Variants in SDK1 observed in about 807,000 individuals in gnomAD.
SDK1 encodes protein sidekick-1.
In SDK1, 157 loss-of-function variants were observed where a neutral mutation model predicts 245.5. The observed-to-expected ratio is 0.64, with a 90% CI of 0.56 to 0.73. The LOEUF (loss-of-function observed/expected upper bound fraction) is 0.73, where lower values mean the gene tolerates loss of function less well. Ranked by LOEUF, SDK1 falls within the 30% of genes least tolerant of loss-of-function variation. The pLI is 0.00. For synonymous variants in SDK1, 1,647 were observed against 1,278.5 expected (o/e 1.29, Z -6.15); for missense variants, 3,583 against 3,002.3 (o/e 1.19, Z -4.52).
At chr7:3,570,518 C>T (rs1780078615) in intron 1 of SDK1, among the ~76,000 whole-genome samples, 1 of 152,156 alleles carries the variant, frequency 6.6e-6, no homozygotes, top group Admixed American at 6.5e-5. Flanking sequence ...TCCCTTTCCC[C>T]CAACTCTTCT....
chr7:3,800,418 G>T (rs1199178111), intron 4 of SDK1, among the ~76,000 whole-genome samples: 1 of 151,310 alleles, frequency 6.6e-6, no homozygotes, highest in Non-Finnish European at 1.5e-5. Flanking sequence ...GTCTCACTCT[G>T]TCACCCAGGC....
At chr7:3,336,921 C>T (rs1242524934) in intron 1 of SDK1, among the ~76,000 whole-genome samples, 1 of 152,178 alleles carries the variant, frequency 6.6e-6, no homozygotes, top group Admixed American at 6.5e-5. Context: ...ACCCACTCAT[C>T]CCTGGTATTA....
chr7:4,065,269 T>C (rs1294382577), intron 19 of SDK1, among the ~76,000 whole-genome samples: 1 of 152,196 alleles, frequency 6.6e-6, no homozygotes, highest in African/African-American at 2.4e-5. Context: ...TCTCTTTAGC[T>C]GATGGTGCTG....
At chr7:3,444,662 C>G (rs538093266) in intron 1 of SDK1, among the ~76,000 whole-genome samples, 1 of 152,118 alleles carries the variant, frequency 6.6e-6, no homozygotes. Context: ...ATGTATATTT[C>G]TTTTCAACAG....
chr7:3,368,879 C>T (rs2128562733), intron 1 of SDK1, among the ~76,000 whole-genome samples: 1 of 152,246 alleles, frequency 6.6e-6, no homozygotes, highest in Non-Finnish European at 1.5e-5. Context: ...ATAAACATTG[C>T]TTCCTGTACT....
intron 38 of SDK1, among the ~76,000 whole-genome samples, chr7:4,214,959 C>A (rs1164203620): frequency 6.6e-6 from 1 of 152,206 alleles, no homozygotes; most frequent in Non-Finnish European, 1.5e-5. Flanking sequence ...GCTTCTCCCT[C>A]GGGCAGGACT....
intron 1 of SDK1, among the ~76,000 whole-genome samples, chr7:3,390,600 A>G (rs10255605): frequency 0.79 from 119,498 of 152,168 alleles, 47,749 homozygotes; most frequent in African/African-American, 0.94. Flanking sequence ...TCCAATGACT[A>G]GTATCCTTAT....
chr7:3,305,621 T>G (rs1269488341), intron 1 of SDK1, among the ~76,000 whole-genome samples: 1 of 152,228 alleles, frequency 6.6e-6, no homozygotes, highest in Non-Finnish European at 1.5e-5. Flanking sequence ...GAGTTTCAAC[T>G]GGAACTTGAG....
rs1291649186 is a variant in SDK1 at position 3,959,003 on chromosome 7, G to T, written c.1223G>T (p.Cys408Phe). ...GTAGAAGAAACTGTGGACATCGGAT[G>T]TCAAGCCATGGGTGAGTGCAGAGTG... The part of the protein sequence containing the change: ...AEVEETVDIG[C>F]QAMGVPLPTL... The change falls in exon 8 of 45, where the codon TGT becomes TTT. Residue 408 changes from cysteine (C) to phenylalanine (F), a missense_variant. Cys to Phe is a radical substitution (Grantham distance 205, BLOSUM62 -2). Transcript: ENST00000404826. 1.2e-6 allele frequency: 2 copies of T among 1,613,608 alleles called. No individual in the cohort carries two copies. Among genetic ancestry groups the T allele is most frequent in the Non-Finnish European group, 1.7e-6 (2 of 1,179,526 alleles).
intron 28 of SDK1, among the ~76,000 whole-genome samples, chr7:4,143,298 C>T (rs1233542125): frequency 6.6e-6 from 1 of 152,204 alleles, no homozygotes; most frequent in Admixed American, 6.5e-5. Flanking sequence ...TCATACCGGC[C>T]ACCACAGGGT....
chr7:3,487,556 A>T (rs1220045485), intron 1 of SDK1, among the ~76,000 whole-genome samples: 1 of 152,034 alleles, frequency 6.6e-6, no homozygotes, highest in African/African-American at 2.4e-5. Context: ...AGCTTGGGCA[A>T]CGTGGTGAAG....
intron 1 of SDK1, among the ~76,000 whole-genome samples, chr7:3,521,341 T>G (rs1380864591): frequency 6.6e-6 from 1 of 152,286 alleles, no homozygotes; most frequent in East Asian, 1.9e-4. Flanking sequence ...TTTTGCTTTG[T>G]AAAGTAACAG....
chr7:4,221,850 T>G (rs554166652), intron 40 of SDK1, among the ~76,000 whole-genome samples: 1 of 152,288 alleles, frequency 6.6e-6, no homozygotes, highest in South Asian at 2.1e-4. Context: ...AAGATCCATT[T>G]CCAGCCTTAT....
intron 1 of SDK1, among the ~76,000 whole-genome samples, chr7:3,544,406 G>A (rs1419947730): frequency 6.6e-6 from 1 of 152,246 alleles, no homozygotes; most frequent in African/African-American, 2.4e-5. Flanking sequence ...CCTGTAGAGG[G>A]CACTGCACCA....
At chr7:3,459,385 T>A (rs1004057151) in intron 1 of SDK1, among the ~76,000 whole-genome samples, 1 of 152,204 alleles carries the variant, frequency 6.6e-6, no homozygotes, top group African/African-American at 2.4e-5. Context: ...ATGTATTAGT[T>A]TTTAACATTA....
At chr7:3,884,955 C>T (rs532236189) in intron 5 of SDK1, among the ~76,000 whole-genome samples, 5 of 152,280 alleles carry the variant, frequency 3.3e-5, no homozygotes, top group South Asian at 2.1e-4. Flanking sequence ...CACTCCAGAG[C>T]GGTGCTGCGC....
At chr7:3,600,349 A>T (rs1006934721) in intron 1 of SDK1, among the ~76,000 whole-genome samples, 1 of 152,154 alleles carries the variant, frequency 6.6e-6, no homozygotes, top group African/African-American at 2.4e-5. Flanking sequence ...TTTCCTACAT[A>T]GACAGTAACA....
intron 1 of SDK1, among the ~76,000 whole-genome samples, chr7:3,460,682 T>C (rs1009748345): frequency 2.0e-5 from 3 of 152,190 alleles, no homozygotes; most frequent in Non-Finnish European, 2.9e-5. Context: ...AGAAATAGTT[T>C]TGTGTGTGGT....
intron 1 of SDK1, among the ~76,000 whole-genome samples, chr7:3,455,328 G>A (rs1780636532): frequency 6.7e-6 from 1 of 150,248 alleles, no homozygotes; most frequent in African/African-American, 2.4e-5. Flanking sequence ...TTTGCTTTTA[G>A]AGTCAATTCT....
Sources: gnomAD v4.1 joint callset for allele counts (sites outside exome capture counted in the v4.1 genomes callset) on GRCh38, gnomAD v4.1.1 for gene constraint, MANE v1.5 for transcripts, NCBI Gene and HGNC (gene_info 2026-07-23, HGNC 2026-07-21) for gene names.